LACTB2: variants seen among roughly 807,000 people sequenced by gnomAD.
LACTB2 encodes lactamase beta 2, also known as endoribonuclease LACTB2.
A neutral mutation model predicts 34.8 loss-of-function variants in LACTB2; 32 were observed. The ratio of observed to expected loss-of-function variants is 0.92; its 90% CI spans 0.69 to 1.24. The LOEUF (loss-of-function observed/expected upper bound fraction) is 1.24, where lower values mean the gene tolerates loss of function less well. Among genes scored for constraint, LACTB2 ranks in the 50% most tolerant of loss-of-function variants. LACTB2 has a pLI of 0.00. For missense variants in LACTB2, 320 were observed against 345.0 expected, an observed-to-expected ratio of 0.93 and a Z score of 0.57; for synonymous variants, 120 against 117.5, an observed-to-expected ratio of 1.02 and a Z score of -0.14.
rs758704806 is a variant in LACTB2 at position 70,669,055 on chromosome 8, G to A, written c.66C>T (p.Asn22=). The A allele has an allele frequency of 1.9e-6, 3 of 1,612,106 alleles. No homozygotes were observed. Among genetic ancestry groups the A allele is most frequent in the Non-Finnish European group, 2.5e-6 (3 of 1,179,456 alleles). The change falls in exon 1 of 7, where the codon AAC becomes AAT. Residue 22 remains asparagine (N), a synonymous_variant. Transcript: ENST00000276590. ...TGCCTTGGAGGGTCATGGGACCCGG[G>A]TTACAGCCCAACACACGCACGACTC... ...SNRVVRVLGC[N]PGPMTLQGTN...
At chr8:70,657,977 G>C in intron 2 of LACTB2, 95 bp from the exon 3 acceptor site, 1 of 707,522 alleles carries the variant, frequency 1.4e-6, no homozygotes, top group Non-Finnish European at 2.2e-6. Flanking sequence ...GTGAATGACT[G>C]CATAAAATAT....
rs779597146 is a variant in LACTB2 at position 70,669,154 on chromosome 8, T to G, written c.-34A>C. 2.0e-4 allele frequency: 330 copies of G among 1,609,958 alleles called. 1 individual carries two copies. The South Asian group carries it at 3.5e-3, about 17-fold the overall frequency. ...CAGCCGCCCGCCGGCGTGTCGCCTA[T>G]CTGGATACTCCAGCGCGGAAGAAGC... On this transcript the variant is annotated 5_prime_UTR_variant, in exon 1 of 7. Coordinates refer to ENST00000276590, the MANE Select transcript of LACTB2 (RefSeq NM_016027.3).
chr8:70,637,919 CAG>C lies in LACTB2; in HGVS notation c.824-18_824-17del. The C allele has an allele frequency of 6.7e-7, 1 of 1,486,142 alleles. No homozygotes were observed. The highest frequency in any genetic ancestry group is 9.1e-7 in the Non-Finnish European group (1 of 1,100,844). 92.1% of individuals were successfully genotyped at this position (1,486,142 alleles called of 1,614,324 possible). A position where few individuals can be genotyped will look rare whatever the true frequency, so the allele number is the denominator to read the frequency against. On this transcript the variant is annotated splice_polypyrimidine_tract_variant and intron_variant, in intron 6 of 6. Coordinates refer to ENST00000276590, the MANE Select transcript of LACTB2 (RefSeq NM_016027.3). ...GTGTTGCTAACTGTAAAAAGAAAAT[CAG>C]AGAGTAAAAATTTAACAATAGATAA...
At chr8:70,668,281 A>C (rs1007370029) in intron 1 of LACTB2, among the ~76,000 whole-genome samples, 1 of 152,222 alleles carries the variant, frequency 6.6e-6, no homozygotes, top group Admixed American at 6.5e-5. Flanking sequence ...TAAAGACTAC[A>C]AAAGTTGCTA....
intron 1 of LACTB2, among the ~76,000 whole-genome samples, chr8:70,666,589 C>A (rs978653172): frequency 1.3e-5 from 2 of 152,124 alleles, no homozygotes; most frequent in Admixed American, 6.5e-5. Flanking sequence ...GTTTTAATTC[C>A]TAAAATACCA....
intron 2 of LACTB2, chr8:70,661,081 G>C (rs72667708): frequency 4.4e-6 from 2 of 453,974 alleles, no homozygotes; most frequent in Non-Finnish European, 4.4e-6. Flanking sequence ...CACCCAGCCT[G>C]ATCTATTATT....
intron 2 of LACTB2, among the ~76,000 whole-genome samples, chr8:70,659,032 A>G (rs1366527888): frequency 6.6e-6 from 1 of 152,160 alleles, no homozygotes; most frequent in African/African-American, 2.4e-5. Flanking sequence ...GTCTCAAAAA[A>G]ATAAAGCATT....
At chr8:70,653,465 A>G (rs1818371147) in intron 3 of LACTB2, among the ~76,000 whole-genome samples, 1 of 152,180 alleles carries the variant, frequency 6.6e-6, no homozygotes. Flanking sequence ...CACAGTAGAA[A>G]AAAGGGGGCA....
intron 1 of LACTB2, among the ~76,000 whole-genome samples, chr8:70,666,302 C>T (rs912943451): frequency 3.9e-5 from 6 of 152,102 alleles, no homozygotes; most frequent in Non-Finnish European, 8.8e-5. Context: ...GAGATAAGGA[C>T]CATGAAAAGT....
chr8:70,665,660 T>A (rs1818526657), intron 1 of LACTB2, among the ~76,000 whole-genome samples: 1 of 152,182 alleles, frequency 6.6e-6, no homozygotes, highest in Admixed American at 6.5e-5. Flanking sequence ...ATGAGGTAGG[T>A]ACTACACAAC....
intron 1 of LACTB2, chr8:70,662,984 C>A: frequency 6.6e-6 from 1 of 152,358 alleles, no homozygotes; most frequent in Non-Finnish European, 1.5e-5. Context: ...GCCACCATGC[C>A]CAGCTCAAGA....
chr8:70,655,960 A>T (rs955444923), intron 3 of LACTB2, among the ~76,000 whole-genome samples: 1 of 152,128 alleles, frequency 6.6e-6, no homozygotes, highest in African/African-American at 2.4e-5. Context: ...AGTGATGTTG[A>T]GTATTTTTTC....
intron 3 of LACTB2, among the ~76,000 whole-genome samples, chr8:70,657,204 T>C (rs898041982): frequency 4.6e-5 from 7 of 152,158 alleles, no homozygotes; most frequent in African/African-American, 7.2e-5. Flanking sequence ...TCCCTAAGCC[T>C]CCTTGGGAGA....
chr8:70,659,820 T>C (rs1363781322), intron 2 of LACTB2, among the ~76,000 whole-genome samples: 1 of 152,176 alleles, frequency 6.6e-6, no homozygotes, highest in Non-Finnish European at 1.5e-5. Flanking sequence ...TGAGTGGTTG[T>C]TGGAGGCTGG....
chr8:70,665,127 T>C (rs1818521656), intron 1 of LACTB2, among the ~76,000 whole-genome samples: 2 of 152,278 alleles, frequency 1.3e-5, no homozygotes, highest in Admixed American at 1.3e-4. Flanking sequence ...ATAGTTATAA[T>C]AGATGATTGG....
Position 70,641,019 on chromosome 8 carries a change from A to G in LACTB2, c.624T>C (p.Ala208=). 6.2e-7 allele frequency: 1 copy of G among 1,604,980 alleles called. No homozygotes were observed. Among genetic ancestry groups the G allele is most frequent in the Non-Finnish European group, 8.5e-7 (1 of 1,177,538 alleles). ...TGTGAGAAATGTATTGTTGAATTTT[A>G]GCTTCAGCATTATGAATTACTGGGC... ...GHGPVIHNAE[A]KIQQYISHRN... Residue 208 remains alanine, a synonymous_variant, in exon 5 of 7, where the codon GCT becomes GCC. Coordinates refer to ENST00000276590, the MANE Select transcript of LACTB2 (RefSeq NM_016027.3).
Position 70,641,009 on chromosome 8 carries a change from G to A in LACTB2, c.634C>T (p.Gln212Ter). The A allele has an allele frequency of 6.2e-7, 1 of 1,605,434 alleles. No individual in the cohort carries two copies. The highest frequency in any genetic ancestry group is 8.5e-7 in the Non-Finnish European group (1 of 1,177,516). Residue 212 changes from glutamine (Q) to a stop codon, truncating the protein, a stop_gained, in exon 5 of 7, where the codon CAA (glutamine) becomes TAA (stop). Coordinates refer to ENST00000276590, the MANE Select transcript of LACTB2 (RefSeq NM_016027.3). LOFTEE classifies it high-confidence loss of function. ...VIHNAEAKIQ[Q>*]YISHRNIREQ... is the part of the protein sequence containing the mutation. Reference sequence around the variant, plus strand: ...CGAATATTTCTGTGAGAAATGTATTGTTGAATTTTAGCTTCAGCATTATGA... The same window carrying A: ...CGAATATTTCTGTGAGAAATGTATTATTGAATTTTAGCTTCAGCATTATGA...
chr8:70,641,474 C>G (rs1818198930), intron 4 of LACTB2, among the ~76,000 whole-genome samples: 2 of 152,154 alleles, frequency 1.3e-5, no homozygotes, highest in Admixed American at 1.3e-4. Flanking sequence ...ATGGTAGAAA[C>G]TGAGACATAC....
At chr8:70,648,386 C>T (rs1818292440) in intron 3 of LACTB2, among the ~76,000 whole-genome samples, 2 of 151,544 alleles carry the variant, frequency 1.3e-5, no homozygotes. Context: ...ATATCCTCAG[C>T]AAAAAAAGAA....
Sources: gnomAD v4.1 joint callset for allele counts (sites outside exome capture counted in the v4.1 genomes callset) on GRCh38, gnomAD v4.1.1 for gene constraint, MANE v1.5 for transcripts, NCBI Gene and HGNC (gene_info 2026-07-23, HGNC 2026-07-21) for gene names.